Variants in NPFFR1 observed in about 807,000 individuals in gnomAD.
NPFFR1 encodes the protein neuropeptide FF receptor 1.
In NPFFR1, 17 loss-of-function variants were observed where a neutral mutation model predicts 12.7. That is an observed-to-expected ratio of 1.34 (90% CI 0.92 to 2.01). The LOEUF is 2.01. Ranked by LOEUF, NPFFR1 falls within the 30% of genes most tolerant of loss-of-function variation. The pLI is 0.00. For synonymous variants in NPFFR1, 296 were observed against 264.5 expected (o/e 1.12, Z -1.16); for missense variants, 604 against 606.5 (o/e 1.00, Z 0.04).
At chr10:70,272,936 G>A (rs949879644) in intron 1 of NPFFR1, among the ~76,000 whole-genome samples, 4 of 152,226 alleles carry the variant, frequency 2.6e-5, no homozygotes, top group African/African-American at 9.6e-5. Context: ...TGTATAAAAA[G>A]TGTGCGTTTA....
intron 1 of NPFFR1, among the ~76,000 whole-genome samples, chr10:70,277,679 G>A (rs557154271): frequency 3.4e-4 from 52 of 152,114 alleles, no homozygotes; most frequent in Non-Finnish European, 6.6e-4. Flanking sequence ...GCCTCTCTCA[G>A]CCACAGAGCT....
At chr10:70,277,931 T>G (rs755766669) in intron 1 of NPFFR1, 4 of 519,034 alleles carry the variant, frequency 7.7e-6, no homozygotes, top group South Asian at 1.4e-5. Context: ...CTCTAGATGT[T>G]GGGGAAGACT....
In NPFFR1 at chr10:70,266,848, T is replaced by A. The variant is rs140723826; in HGVS notation, c.8-457A>T. Among the ~76,000 whole-genome samples the A allele has an allele frequency of 8.5e-5, 13 of 152,324 alleles. No homozygotes were observed. The East Asian group carries it at 2.5e-3, about 29-fold the overall frequency. On this transcript the variant is annotated intron_variant, in intron 1 of 3. Transcript: ENST00000277942. ...CTGATTCCCTTCCTGCCTGGCCCAA[T>A]TCTTTCAGCAGCTGTTTTTCCCTAT...
intron 1 of NPFFR1, among the ~76,000 whole-genome samples, chr10:70,271,640 A>G (rs572607509): frequency 6.6e-6 from 1 of 152,342 alleles, no homozygotes; most frequent in African/African-American, 2.4e-5. Context: ...AAATGGAGAT[A>G]AATGAACACC....
chr10:70,272,530 G>A (rs1041636986), intron 1 of NPFFR1, among the ~76,000 whole-genome samples: 2 of 152,232 alleles, frequency 1.3e-5, no homozygotes, highest in Non-Finnish European at 2.9e-5. Flanking sequence ...TTAACTACAC[G>A]AAACAAAAAG....
chr10:70,263,147 A>G (rs998872994), intron 2 of NPFFR1, among the ~76,000 whole-genome samples: 3 of 152,184 alleles, frequency 2.0e-5, no homozygotes, highest in African/African-American at 7.2e-5. Context: ...AGCCTTGGTG[A>G]CAGAGCAAGA....
chr10:70,255,389 C>G lies in NPFFR1; in HGVS notation c.861G>C (p.Trp287Cys), dbSNP rs975331887. The stretch of plus-strand genomic sequence containing the variant: ...CGTAGTCGATGAGCAGCAGCAGCGC[C>G]CAGAGCGGCAGCCAGGACAGCGTGA... ...LFFTLSWLPLWALLLLIDYGQ... is the reference protein window; with the variant it reads ...LFFTLSWLPLCALLLLIDYGQ... Residue 287 changes from tryptophan to cysteine, a missense_variant, in exon 4 of 4, where the codon TGG becomes TGC. By Grantham distance (215) the Trp-to-Cys change is radical. Transcript: ENST00000277942. The surrounding 1 kb of genome is among the most constrained non-coding windows in gnomAD (Gnocchi z 4.2). The G allele has an allele frequency of 9.0e-6, 14 of 1,548,356 alleles. No individual in the cohort carries two copies. The highest frequency in any genetic ancestry group is 1.2e-5 in the Non-Finnish European group (14 of 1,149,336).
At chr10:70,257,063 T>C (rs1840580108) in intron 3 of NPFFR1, among the ~76,000 whole-genome samples, 1 of 152,192 alleles carries the variant, frequency 6.6e-6, no homozygotes, top group South Asian at 2.1e-4. Context: ...ACCCAGGAGT[T>C]GGAGACCAGC....
intron 1 of NPFFR1, among the ~76,000 whole-genome samples, chr10:70,280,642 C>T (rs762582326): frequency 3.9e-5 from 6 of 152,118 alleles, no homozygotes; most frequent in Admixed American, 6.5e-5. Flanking sequence ...CTAATATAGG[C>T]TCCTAATGAA....
Position 70,255,350 on chromosome 10 carries a change from C to T in NPFFR1, c.900G>A (p.Ala300=). The change falls in exon 4 of 4, where the codon GCG becomes GCA. Residue 300 remains alanine, a synonymous_variant. Transcript: ENST00000277942. The surrounding 1 kb of genome is among the most constrained non-coding windows in gnomAD (Gnocchi z 4.2). The part of the protein sequence containing the change: ...LLLIDYGQLS[A]PQLHLVTVYA... ...AGACGGTGACCAGGTGCAGCTGCGG[C>T]GCGCTGAGCTGCCCGTAGTCGATGA... 1 of 1,566,872 alleles carries T rather than the reference C, an allele frequency of 6.4e-7. No individual in the cohort carries two copies.
intron 2 of NPFFR1, among the ~76,000 whole-genome samples, chr10:70,260,974 C>T (rs1180860159): frequency 1.3e-5 from 2 of 152,076 alleles, no homozygotes; most frequent in Admixed American, 6.5e-5. Flanking sequence ...GGTTCTAGGA[C>T]CCCCAAGTAT....
intron 2 of NPFFR1, among the ~76,000 whole-genome samples, chr10:70,265,051 T>C (rs1028813762): frequency 4.6e-5 from 7 of 152,184 alleles, no homozygotes; most frequent in Admixed American, 1.3e-4. Flanking sequence ...ATGTTCAGCA[T>C]TGGCAAAGGA....
intron 1 of NPFFR1, among the ~76,000 whole-genome samples, chr10:70,274,787 G>A (rs1840784901): frequency 6.6e-6 from 1 of 152,232 alleles, no homozygotes; most frequent in African/African-American, 2.4e-5. Flanking sequence ...ACTTCAGACT[G>A]CTTATTGACT....
At chr10:70,272,874 G>A (rs142405676) in intron 1 of NPFFR1, among the ~76,000 whole-genome samples, 96 of 152,312 alleles carry the variant, frequency 6.3e-4, no homozygotes, top group African/African-American at 2.1e-3. Flanking sequence ...TTGACCATGG[G>A]ACATGGTAAT....
rs1286877093 is a variant in NPFFR1, at chr10:70,260,623, G to T, written c.422+17C>A. On this transcript the variant is annotated intron_variant, in intron 3 of 3. Transcript: ENST00000277942. ...CCCTAGTTGGCTCAGGCATAATCCA[G>T]CCAGGAAACCTCTCACCTTTCCACA... 1 of 1,594,566 alleles carries T rather than the reference G, an allele frequency of 6.3e-7. No homozygotes were observed. The highest frequency in any genetic ancestry group is 1.3e-5 in the African/African-American group (1 of 74,534).
Position 70,247,945 on chromosome 10 carries a change from A to G in NPFFR1, c.*7012T>C, listed in dbSNP as rs1202100276. The G allele has an allele frequency of 2.0e-5, 3 of 152,250 alleles. No homozygotes were observed. The highest frequency in any genetic ancestry group is 1.5e-5 in the Non-Finnish European group (1 of 68,050). The allele number at this position is 152,250 out of a possible 1,614,324, so 9.4% of individuals were successfully genotyped here. ...TAAACCTTTTACCTAAACTGCTGGT[A>G]TTCCTTCTATCCCAAATCTTTGGAA... On this transcript the variant is annotated 3_prime_UTR_variant, in exon 4 of 4. Coordinates refer to ENST00000277942, the MANE Select transcript of NPFFR1 (RefSeq NM_022146.5).
At chr10:70,278,646 T>C (rs1187466348) in intron 1 of NPFFR1, among the ~76,000 whole-genome samples, 1 of 152,206 alleles carries the variant, frequency 6.6e-6, no homozygotes, top group Non-Finnish European at 1.5e-5. Context: ...TCCTCCAGTA[T>C]CCCTCCTACG....
In NPFFR1 at chr10:70,266,819, T is replaced by C. The variant is rs562953397; in HGVS notation, c.8-428A>G. Among the ~76,000 whole-genome samples, 13 of 152,354 alleles carry C rather than the reference T, an allele frequency of 8.5e-5. No homozygotes were observed. In the South Asian group the frequency reaches 2.7e-3, roughly 32 times the overall value. On this transcript the variant is annotated intron_variant, in intron 1 of 3. Coordinates refer to ENST00000277942, the MANE Select transcript of NPFFR1 (RefSeq NM_022146.5). ...GCAGAGAGAGAGGTCAGGGTGTTTG[T>C]CTTCTGATTCCCTTCCTGCCTGGCC...
intron 3 of NPFFR1, among the ~76,000 whole-genome samples, chr10:70,256,981 C>T (rs1286549078): frequency 6.6e-6 from 1 of 152,154 alleles, no homozygotes; most frequent in East Asian, 1.9e-4. Flanking sequence ...TTTAAAGCTC[C>T]TGGGGTCAGG....
Sources: gnomAD v4.1 joint callset for allele counts (sites outside exome capture counted in the v4.1 genomes callset) on GRCh38, gnomAD v4.1.1 for gene constraint, Gnocchi (gnomAD v3.1) non-coding constraint, MANE v1.5 for transcripts, NCBI Gene and HGNC (gene_info 2026-07-23, HGNC 2026-07-21) for gene names.